The following PHIP variants were observed in gnomAD, a reference collection of about 807,000 sequenced individuals.
The protein encoded by PHIP is PH-interacting protein.
Under a neutral mutation model 236.8 loss-of-function variants are expected in PHIP, and 54 were observed. The ratio of observed to expected loss-of-function variants is 0.23; its 90% CI spans 0.18 to 0.29. The LOEUF (loss-of-function observed/expected upper bound fraction) is 0.29. Among genes scored for constraint, PHIP ranks in the 10% least tolerant of loss-of-function variants. PHIP has a pLI of 1.00. For missense variants in PHIP, 1,370 were observed against 2,190.8 expected, an observed-to-expected ratio of 0.63 and a Z score of 7.48; for synonymous variants, 756 against 718.9, an observed-to-expected ratio of 1.05 and a Z score of -0.83.
chr6:79,020,533 T>C (rs1040024377), intron 9 of PHIP, among the ~76,000 whole-genome samples: 1 of 152,224 alleles, frequency 6.6e-6, no homozygotes, highest in Non-Finnish European at 1.5e-5. Flanking sequence ...TTATGGATTA[T>C]AGCTCTAGAT....
chr6:79,008,460 C>G (rs1039722888), intron 15 of PHIP, among the ~76,000 whole-genome samples: 8 of 151,922 alleles, frequency 5.3e-5, no homozygotes, highest in Non-Finnish European at 1.2e-4. Flanking sequence ...AATTTAACAT[C>G]ATTTTGTACC....
intron 9 of PHIP, 38 bp downstream of exon 9, chr6:79,025,481 T>C (rs375534314): frequency 2.4e-6 from 3 of 1,239,726 alleles, no homozygotes; most frequent in East Asian, 2.3e-5. Flanking sequence ...CTCATTAAAC[T>C]AAACACATTT....
At position 78,971,475 on chromosome 6, in the gene PHIP, C is replaced by T. The variant is rs559524402; in HGVS notation, c.2890-587G>A. Among the ~76,000 whole-genome samples the T allele has an allele frequency of 4.1e-4, 63 of 152,318 alleles. 1 individual carries two copies. The South Asian group carries it at 0.013, about 31-fold the overall frequency. On this transcript the variant is annotated intron_variant, in intron 24 of 39. Transcript: ENST00000275034. Reference sequence around the variant, plus strand: ...TTTTAGTAACATTTTGGGATAGCCACTATCCCATACTTTCATTCTATTCAT... The same window carrying T: ...TTTTAGTAACATTTTGGGATAGCCATTATCCCATACTTTCATTCTATTCAT...
intron 19 of PHIP, among the ~76,000 whole-genome samples, chr6:78,992,258 G>C (rs779390874): frequency 1.3e-5 from 2 of 151,710 alleles, no homozygotes; most frequent in Admixed American, 6.6e-5. Flanking sequence ...CCACCGCGCC[G>C]GCCCAAAATG....
intron 15 of PHIP, among the ~76,000 whole-genome samples, chr6:79,012,511 T>C (rs183159679): frequency 6.6e-6 from 1 of 151,860 alleles, no homozygotes; most frequent in Admixed American, 6.6e-5. Context: ...AAGCACTATA[T>C]ATGACTAGAC....
At chr6:78,978,268 T>G (rs987113694) in intron 24 of PHIP, among the ~76,000 whole-genome samples, 2 of 152,056 alleles carry the variant, frequency 1.3e-5, no homozygotes, top group Non-Finnish European at 2.9e-5. Flanking sequence ...TAACATGTTA[T>G]ACATTAAGCC....
chr6:79,060,465 TCAAA>T lies in PHIP; in HGVS notation c.439+9_439+12del, dbSNP rs764662435. 6 of 1,594,752 alleles carry T rather than the reference TCAAA, an allele frequency of 3.8e-6. No homozygotes were observed. The African/African-American group carries it at 6.7e-5, about 18-fold the overall frequency. On this transcript the variant is annotated intron_variant, in intron 6 of 39. Coordinates refer to ENST00000275034, the MANE Select transcript of PHIP (RefSeq NM_017934.7). Reference sequence around the variant, plus strand: ...AAGAGGCTATTAACTACTAGTGAACTCAAACAACTCACCAATGCTGGGTGGGCTA... The same window carrying T: ...AAGAGGCTATTAACTACTAGTGAACTCAACTCACCAATGCTGGGTGGGCTA...
rs1270254057 is a variant in PHIP, at chr6:79,077,430, G to A, written c.189+18C>T. On this transcript the variant is annotated intron_variant, in intron 4 of 39. Transcript: ENST00000275034. ...ACTCAGGGAAAAGTTTCTTTGCTCT[G>A]CGACGTGAATGTCTCACCAGATTCT... The A allele has an allele frequency of 6.3e-7, 1 of 1,589,606 alleles. No individual in the cohort carries two copies. Among genetic ancestry groups the A allele is most frequent in the Non-Finnish European group, 8.6e-7 (1 of 1,162,240 alleles).
intron 39 of PHIP, among the ~76,000 whole-genome samples, chr6:78,942,574 T>C (rs868692593): frequency 2.0e-5 from 3 of 152,286 alleles, no homozygotes; most frequent in African/African-American, 7.2e-5. Flanking sequence ...AAGCTTTTAA[T>C]TCCTGACCCC....
At position 78,985,379 on chromosome 6, in the gene PHIP, C is replaced by G. The variant is rs374591086; in HGVS notation, c.2510G>C (p.Arg837Thr). 9.4e-5 allele frequency: 151 copies of G among 1,600,424 alleles called. No homozygotes were observed. The highest frequency in any genetic ancestry group is 1.7e-4 in the Middle Eastern group (1 of 6,050). Residue 837 changes from arginine to threonine, a missense_variant, in exon 22 of 40, where the codon AGA becomes ACA. Physicochemically the swap from Arg to Thr is moderately conservative, Grantham distance 71. Around this residue, in one of 14 missense-constraint regions of PHIP, gnomAD observed 99 missense variants for 110.0 expected, o/e 0.90. Transcript: ENST00000275034. ...VSGGTSEEEE[R>T]AWHSDGSSSD... is the part of the protein sequence containing the mutation. ...AGAACTGCCATCACTGTGCCATGCT[C>G]TCTCTTCTTCTTCGGATGTTCCACC... is the stretch of plus-strand genomic sequence containing the variant.
chr6:79,007,640 C>G (rs1770354816), intron 15 of PHIP, among the ~76,000 whole-genome samples: 1 of 141,566 alleles, frequency 7.1e-6, no homozygotes, highest in Non-Finnish European at 1.5e-5. Context: ...TTAGCAGGGT[C>G]AGTATGTCTT....
chr6:78,937,182 A>G lies in PHIP; in HGVS notation c.*3511T>C, dbSNP rs1216336323. ...CAAAAATAAATTTCAGGTAACAAAA[A>G]CATTCAGAATATATCCGTTTTCATT... is the stretch of plus-strand genomic sequence containing the variant. On this transcript the variant is annotated 3_prime_UTR_variant, in exon 40 of 40. Transcript: ENST00000275034. 2 of 151,744 alleles carry G rather than the reference A, an allele frequency of 1.3e-5. No individual in the cohort carries two copies. The highest frequency in any genetic ancestry group is 3.8e-4 in the East Asian group (2 of 5,198). 9.4% of individuals were successfully genotyped at this position (151,744 alleles called of 1,614,324 possible).
rs190313474 is a variant in PHIP, at chr6:79,034,647, C to T, written c.600+8196G>A. Among the ~76,000 whole-genome samples, 36 of 152,272 alleles carry T rather than the reference C, an allele frequency of 2.4e-4. No individual in the cohort carries two copies. In the East Asian group the frequency reaches 5.6e-3, roughly 24 times the overall value. ...CTTGATAGAGCTCTTTCTGGTATGG[C>T]TTATTTACAGATACTCTGACTACAT... On this transcript the variant is annotated intron_variant, in intron 7 of 39. Coordinates refer to ENST00000275034, the MANE Select transcript of PHIP (RefSeq NM_017934.7).
chr6:78,955,491 T>C lies in PHIP; in HGVS notation c.3852+122A>G, dbSNP rs191190756. On this transcript the variant is annotated intron_variant, in intron 33 of 39. Coordinates refer to ENST00000275034, the MANE Select transcript of PHIP (RefSeq NM_017934.7). ...ATTCTACTGCCAGTTGTTTTTTTTT[T>C]TTAAATTAACTACACTAGACAAAAA... 700 of 553,122 alleles carry C rather than the reference T, an allele frequency of 1.3e-3. 2 individuals are homozygous for C. The highest frequency in any genetic ancestry group is 0.01 in the African/African-American group (522 of 50,734). The allele number at this position is 553,122 out of a possible 1,614,324, so 34.3% of individuals were successfully genotyped here.
intron 15 of PHIP, among the ~76,000 whole-genome samples, chr6:79,009,596 C>G (rs983602773): frequency 1.3e-5 from 2 of 152,026 alleles, no homozygotes; most frequent in African/African-American, 4.8e-5. Context: ...GTCTTATTCT[C>G]CCTTGTGGTC....
intron 22 of PHIP, among the ~76,000 whole-genome samples, chr6:78,983,793 A>G (rs1768693026): frequency 6.6e-6 from 1 of 152,182 alleles, no homozygotes; most frequent in Non-Finnish European, 1.5e-5. Context: ...AGAAAAATAC[A>G]GGCCTTACTA....
chr6:78,943,787 G>T (rs928085067), intron 39 of PHIP, among the ~76,000 whole-genome samples: 6 of 151,938 alleles, frequency 3.9e-5, no homozygotes, highest in Non-Finnish European at 8.8e-5. Flanking sequence ...AGAAGTTTGA[G>T]ACCAGCCTGG....
Position 79,060,524 on chromosome 6 carries a change from T to C in PHIP, c.393A>G (p.Gly131=). ...KGSALAALHC[G]RPPESPVNYG... is the part of the protein sequence containing the mutation. ...AGTTAACTGGTGACTCAGGTGGTCT[T>C]CCACAGTGCAACGCAGCCAGAGCAG... The change falls in exon 6 of 40, where the codon GGA becomes GGG. Residue 131 remains glycine, a synonymous_variant. Coordinates refer to ENST00000275034, the MANE Select transcript of PHIP (RefSeq NM_017934.7). 6.2e-7 allele frequency: 1 copy of C among 1,613,862 alleles called. No individual in the cohort carries two copies. The highest frequency in any genetic ancestry group is 1.7e-5 in the Admixed American group (1 of 60,002).
rs145577582 is a variant in PHIP, at chr6:78,969,646, G to A, written c.3205+189C>T. 6.4e-4 allele frequency among the ~76,000 whole-genome samples: 98 copies of A among 151,952 alleles called. 1 individual carries two copies. In the South Asian group the frequency reaches 8.3e-3, roughly 13 times the overall value. On this transcript the variant is annotated intron_variant, in intron 27 of 39. Transcript: ENST00000275034. ...AAAAAATGTTTTAAATTTCAACATCGACTGTTTTCATTCCTAAACAAAACT... is the reference window on the plus strand; with the variant it reads ...AAAAAATGTTTTAAATTTCAACATCAACTGTTTTCATTCCTAAACAAAACT...
Sources: gnomAD v4.1 joint callset for allele counts (sites outside exome capture counted in the v4.1 genomes callset) on GRCh38, gnomAD v4.1.1 for gene constraint, gnomAD v4.1.1 regional missense constraint, MANE v1.5 for transcripts, NCBI Gene and HGNC (gene_info 2026-07-23, HGNC 2026-07-21) for gene names.